The following TEX11 variants were observed in gnomAD, a reference collection of about 807,000 sequenced individuals.
TEX11 encodes testis expressed 11.
Under a neutral mutation model 84.4 loss-of-function variants are expected in TEX11, and 7 were observed. The ratio of observed to expected loss-of-function variants is 0.08; its 90% CI spans 0.05 to 0.16. The LOEUF (loss-of-function observed/expected upper bound fraction) is 0.16, where lower values mean the gene tolerates loss of function less well. Among genes scored for constraint, TEX11 ranks in the 10% least tolerant of loss-of-function variants. TEX11 has a pLI of 1.00. For missense variants in TEX11, 551 were observed against 660.5 expected (o/e 0.83, Z 1.82); for synonymous variants, 264 against 222.8 (o/e 1.18, Z -1.64).
chrX:70,752,532 A>G (rs2090835387), intron 9 of TEX11, among the ~76,000 whole-genome samples: 1 of 107,531 alleles, frequency 9.3e-6, no homozygotes, highest in Admixed American at 1.0e-4. Context: ...CTCAAAAAAA[A>G]AAAAAAAAAA....
chrX:70,751,954 T>C (rs922024659), intron 9 of TEX11, among the ~76,000 whole-genome samples: 2 of 112,477 alleles, frequency 1.8e-5, no homozygotes, highest in Non-Finnish European at 3.8e-5. Flanking sequence ...AAAAAAATTC[T>C]TAAGGTGTAT....
intron 8 of TEX11, 30 bp from the exon 9 acceptor site, chrX:70,806,820 ATGATT>A: frequency 9.5e-7 from 1 of 1,054,122 alleles, no homozygotes; most frequent in Non-Finnish European, 1.3e-6. Context: ...CATTAGATTC[ATGATT>A]TCCTTAAATC....
chrX:70,663,960 T>A (rs924350263), intron 16 of TEX11, among the ~76,000 whole-genome samples: 1 of 112,043 alleles, frequency 8.9e-6, no homozygotes, highest in East Asian at 2.8e-4. Context: ...ATACTTTAAA[T>A]AATCTCTAGA....
chrX:70,714,220 T>C (rs1265058980), intron 13 of TEX11, among the ~76,000 whole-genome samples: 2 of 111,065 alleles, frequency 1.8e-5, no homozygotes, highest in Non-Finnish European at 3.8e-5. Context: ...AAGTATGTGG[T>C]CAATTTTGGA....
At chrX:70,684,880 C>T (rs757966093) in intron 13 of TEX11, among the ~76,000 whole-genome samples, 10 of 111,533 alleles carry the variant, frequency 9.0e-5, no homozygotes, top group African/African-American at 1.6e-4. Context: ...GGAGGCATCA[C>T]GCTTTCTGAT....
intron 16 of TEX11, among the ~76,000 whole-genome samples, chrX:70,661,402 C>T (rs915661482): frequency 8.0e-5 from 9 of 112,446 alleles, no homozygotes; most frequent in African/African-American, 2.3e-4. Flanking sequence ...TGGAGCCCAC[C>T]GCAGCTCAAG....
intron 4 of TEX11, among the ~76,000 whole-genome samples, chrX:70,861,341 G>A (rs1406148813): frequency 9.0e-6 from 1 of 110,863 alleles, no homozygotes; most frequent in East Asian, 2.8e-4. Flanking sequence ...GATTACAGGC[G>A]TGAGCCACTG....
intron 28 of TEX11, among the ~76,000 whole-genome samples, chrX:70,532,729 C>T (rs2087904546): frequency 2.9e-5 from 3 of 104,682 alleles, no homozygotes; most frequent in African/African-American, 1.1e-4. Flanking sequence ...AGTGAAACTC[C>T]AAACTCCGTC....
intron 16 of TEX11, among the ~76,000 whole-genome samples, chrX:70,653,564 G>A (rs1242193697): frequency 8.9e-6 from 1 of 111,951 alleles, no homozygotes; most frequent in Non-Finnish European, 1.9e-5. Flanking sequence ...AGGATGTGGT[G>A]CAACAGGAAC....
intron 16 of TEX11, among the ~76,000 whole-genome samples, chrX:70,654,586 C>T (rs769866143): frequency 1.8e-3 from 198 of 108,421 alleles, no homozygotes; most frequent in African/African-American, 6.5e-3. Flanking sequence ...TGGCACACAT[C>T]TGTGATCCCA....
At chrX:70,894,536 G>GA (rs2091756936) in intron 2 of TEX11, among the ~76,000 whole-genome samples, 1 of 109,666 alleles carries the variant, frequency 9.1e-6, no homozygotes, top group African/African-American at 3.3e-5. Flanking sequence ...TGAGGCAGGA[G>GA]AATCACTTGA....
At chrX:70,711,819 T>C (rs1329012900) in intron 13 of TEX11, among the ~76,000 whole-genome samples, 1 of 111,817 alleles carries the variant, frequency 8.9e-6, no homozygotes, top group African/African-American at 3.2e-5. Context: ...CACTTTTGGC[T>C]TTTGTTGCCA....
chrX:70,708,216 A>G (rs2090394003), intron 13 of TEX11, among the ~76,000 whole-genome samples: 1 of 111,876 alleles, frequency 8.9e-6, no homozygotes, highest in Non-Finnish European at 1.9e-5. Flanking sequence ...AGCACTAATC[A>G]CAAGAAAAAT....
intron 13 of TEX11, among the ~76,000 whole-genome samples, chrX:70,702,024 T>C (rs1750834026): frequency 1.8e-5 from 2 of 112,142 alleles, no homozygotes; most frequent in Admixed American, 9.5e-5. Context: ...CTGGTGAAGA[T>C]GCCGTGTACA....
the TEX11 span, among the ~76,000 whole-genome samples, chrX:70,512,045 C>G: frequency 9.4e-6 from 1 of 106,920 alleles, no homozygotes; most frequent in Non-Finnish European, 1.9e-5. Flanking sequence ...GCCTTTTTAA[C>G]CTCTTCCCAC....
At chrX:70,797,533 CTA>C (rs1268399597) in intron 9 of TEX11, among the ~76,000 whole-genome samples, 1 of 109,871 alleles carries the variant, frequency 9.1e-6, no homozygotes, top group Non-Finnish European at 1.9e-5. Context: ...CACACTCATT[CTA>C]TGAGGCCAGC....
intron 13 of TEX11, among the ~76,000 whole-genome samples, chrX:70,702,594 G>C (rs1056536044): frequency 2.5e-4 from 28 of 111,289 alleles, no homozygotes; most frequent in African/African-American, 9.2e-4. Context: ...ATGTCATTTT[G>C]TCACACATGA....
intron 9 of TEX11, among the ~76,000 whole-genome samples, chrX:70,759,336 T>G (rs1176175193): frequency 9.0e-6 from 1 of 111,630 alleles, no homozygotes; most frequent in Non-Finnish European, 1.9e-5. Context: ...TTTAGACCAA[T>G]AGCCCTGCTG....
chrX:70,880,227 T>A, intron 2 of TEX11, 118 bp from the exon 3 acceptor site: 1 of 449,474 alleles, frequency 2.2e-6, no homozygotes, highest in Non-Finnish European at 3.3e-6. Flanking sequence ...TGAAGGAACT[T>A]GATCCTTAGA....
Sources: allele counts gnomAD v4.1 joint callset (sites outside exome capture counted in the v4.1 genomes callset), GRCh38; gene constraint gnomAD v4.1.1; transcripts MANE v1.5; gene names NCBI Gene and HGNC (gene_info 2026-07-23, HGNC 2026-07-21).